ASH1L: variants seen among roughly 807,000 people sequenced by gnomAD.
ASH1L encodes histone-lysine N-methyltransferase ASH1L.
Under a neutral mutation model 269.0 loss-of-function variants are expected in ASH1L, and 23 were observed. That is an observed-to-expected ratio of 0.09 (90% CI 0.06 to 0.12). ASH1L has a LOEUF of 0.12. Among genes scored for constraint, ASH1L ranks in the 10% least tolerant of loss-of-function variants. The pLI, the probability that ASH1L is intolerant of heterozygous loss-of-function variation, is 1.00. For missense variants in ASH1L, 2,912 were observed against 3,567.8 expected, an observed-to-expected ratio of 0.82 and a Z score of 4.68; for synonymous variants, 1,187 against 1,253.5, an observed-to-expected ratio of 0.95 and a Z score of 1.12.
intron 10 of ASH1L, among the ~76,000 whole-genome samples, chr1:155,377,002 G>A (rs940820369): frequency 6.6e-6 from 1 of 151,724 alleles, no homozygotes; most frequent in South Asian, 2.1e-4. Flanking sequence ...CTGCCTCCCA[G>A]GTTCAAGCAA....
intron 2 of ASH1L, among the ~76,000 whole-genome samples, chr1:155,516,840 A>C (rs1668533180): frequency 6.6e-6 from 1 of 152,180 alleles, no homozygotes; most frequent in South Asian, 2.1e-4. Flanking sequence ...AAGTAAATTT[A>C]AAACAATTCT....
chr1:155,338,003 T>G lies in ASH1L; in HGVS notation c.8803+86A>C, dbSNP rs944805650. 2.9e-6 allele frequency: 4 copies of G among 1,364,674 alleles called. No homozygotes were observed. The African/African-American group carries it at 4.4e-5, about 15-fold the overall frequency. 84.5% of individuals were successfully genotyped at this position (1,364,674 alleles called of 1,614,324 possible). On this transcript the variant is annotated intron_variant, in intron 27 of 27. Coordinates refer to ENST00000392403, the MANE Select transcript of ASH1L (RefSeq NM_018489.3). ...TACCATTTTCTTAGAATACTTTGGA[T>G]GCTGAACCAGTAATTACAATTTTTT...
chr1:155,441,666 C>A (rs1275089346), intron 4 of ASH1L, among the ~76,000 whole-genome samples: 1 of 151,222 alleles, frequency 6.6e-6, no homozygotes, highest in Non-Finnish European at 1.5e-5. Context: ...CGGGGTTTCA[C>A]CATGTTAGCC....
intron 6 of ASH1L, among the ~76,000 whole-genome samples, chr1:155,414,239 A>C (rs530748420): frequency 7.9e-5 from 12 of 152,260 alleles, no homozygotes; most frequent in African/African-American, 2.9e-4. Context: ...GAGTTATCTT[A>C]AACAAACCTA....
intron 5 of ASH1L, among the ~76,000 whole-genome samples, chr1:155,428,572 C>T (rs576821261): frequency 4.6e-5 from 7 of 152,284 alleles, no homozygotes; most frequent in Middle Eastern, 3.4e-3. Flanking sequence ...ATGACACCCA[C>T]GCTGGAAGGC....
intron 2 of ASH1L, among the ~76,000 whole-genome samples, chr1:155,516,567 G>A (rs1571038350): frequency 6.6e-6 from 1 of 152,134 alleles, no homozygotes; most frequent in East Asian, 1.9e-4. Flanking sequence ...GCCAAGGAAG[G>A]AGAATCATTG....
At chr1:155,554,510 G>A (rs1015434578) in intron 1 of ASH1L, among the ~76,000 whole-genome samples, 1 of 152,028 alleles carries the variant, frequency 6.6e-6, no homozygotes, top group African/African-American at 2.4e-5. Flanking sequence ...AATCTCAGGT[G>A]ATCCACCCGC....
chr1:155,389,596 C>T (rs1380636120), intron 7 of ASH1L, among the ~76,000 whole-genome samples: 1 of 151,872 alleles, frequency 6.6e-6, no homozygotes, highest in South Asian at 2.1e-4. Context: ...TTGCTTGAAC[C>T]CAGGAGGAGG....
chr1:155,496,738 A>C (rs1667180635), intron 2 of ASH1L, among the ~76,000 whole-genome samples: 1 of 152,074 alleles, frequency 6.6e-6, no homozygotes, highest in Non-Finnish European at 1.5e-5. Flanking sequence ...TCCTGGGCTC[A>C]AGCAATCCTT....
At chr1:155,470,059 A>T (rs569347486) in intron 3 of ASH1L, among the ~76,000 whole-genome samples, 4 of 152,304 alleles carry the variant, frequency 2.6e-5, no homozygotes, top group Admixed American at 6.5e-5. Context: ...CGTGTCACAC[A>T]TTATTCTTCG....
rs547689129 is a variant in ASH1L, at chr1:155,557,190, G to C, written c.-100+4963C>G. Among the ~76,000 whole-genome samples the C allele has an allele frequency of 2.6e-5, 4 of 152,006 alleles. No individual in the cohort carries two copies. In the East Asian group the frequency reaches 7.7e-4, roughly 29 times the overall value. ...AAACATGAAAACTTAGCTGTTCAATGAAAAAATACAACTCTGAAATAGCAG... is the reference window on the plus strand; with the variant it reads ...AAACATGAAAACTTAGCTGTTCAATCAAAAAATACAACTCTGAAATAGCAG... On this transcript the variant is annotated intron_variant, in intron 1 of 27. Coordinates refer to ENST00000392403, the MANE Select transcript of ASH1L (RefSeq NM_018489.3).
chr1:155,561,599 TACAC>T (rs1453282488), intron 1 of ASH1L, among the ~76,000 whole-genome samples: 2 of 145,860 alleles, frequency 1.4e-5, no homozygotes, highest in African/African-American at 4.9e-5. Context: ...CATCCTCACA[TACAC>T]ACACCAACAC....
chr1:155,562,306 T>C lies in ASH1L; in HGVS notation c.-253A>G. The C allele has an allele frequency of 2.5e-6, 4 of 1,591,360 alleles. No homozygotes were observed. Among genetic ancestry groups the C allele is most frequent in the Non-Finnish European group, 3.4e-6 (4 of 1,161,100 alleles). ...CAGCGGGTAAGCTGACTGGCGGAAA[T>C]GCGAGAGAGGAGAAGGGAAAGGTGG... On this transcript the variant is annotated 5_prime_UTR_variant, in exon 1 of 28. Coordinates refer to ENST00000392403, the MANE Select transcript of ASH1L (RefSeq NM_018489.3).
intron 12 of ASH1L, among the ~76,000 whole-genome samples, chr1:155,363,248 G>A (rs917227583): frequency 6.6e-6 from 1 of 152,108 alleles, no homozygotes; most frequent in African/African-American, 2.4e-5. Flanking sequence ...CTCCCAAAAT[G>A]CTGGGATTAT....
chr1:155,439,504 C>A (rs750711270), intron 4 of ASH1L, among the ~76,000 whole-genome samples: 7 of 152,004 alleles, frequency 4.6e-5, no homozygotes, highest in Non-Finnish European at 7.4e-5. Context: ...TCGAGATCAA[C>A]CTAAGGAACA....
Position 155,464,553 on chromosome 1 carries a change from GAATA to G in ASH1L, c.4985-4659_4985-4656del, listed in dbSNP as rs566639880. On this transcript the variant is annotated intron_variant, in intron 3 of 27. Transcript: ENST00000392403. The stretch of plus-strand genomic sequence containing the variant: ...AGTACCTAAATAAAATTGGATTTCA[GAATA>G]AATATAAGTAGATTATTAAGGGAAA... Among the ~76,000 whole-genome samples, 445 of 151,678 alleles carry G rather than the reference GAATA, an allele frequency of 2.9e-3. 1 individual carries two copies. Among genetic ancestry groups the G allele is most frequent in the African/African-American group, 0.01 (430 of 41,384 alleles).
chr1:155,434,830 G>A (rs550366217), intron 5 of ASH1L, among the ~76,000 whole-genome samples: 29 of 152,062 alleles, frequency 1.9e-4, no homozygotes, highest in Admixed American at 5.3e-4. Context: ...CAGCCTGGGC[G>A]ACAGAGCGAG....
chr1:155,419,601 A>G (rs1269646744), intron 5 of ASH1L: 2 of 152,226 alleles, frequency 1.3e-5, no homozygotes, highest in East Asian at 3.8e-4. Flanking sequence ...GTACAACTAA[A>G]AACTCTGGAA....
intron 10 of ASH1L, among the ~76,000 whole-genome samples, chr1:155,374,761 C>T (rs904151517): frequency 1.3e-5 from 2 of 152,104 alleles, no homozygotes; most frequent in African/African-American, 4.8e-5. Context: ...GAGAGCTGAT[C>T]TATAATCATG....
Sources: gnomAD v4.1 joint callset for allele counts (sites outside exome capture counted in the v4.1 genomes callset) on GRCh38, gnomAD v4.1.1 for gene constraint, MANE v1.5 for transcripts, NCBI Gene and HGNC (gene_info 2026-07-23, HGNC 2026-07-21) for gene names.